Variants in SNX24 observed in about 807,000 individuals in gnomAD.
SNX24 encodes the protein sorting nexin-24.
In SNX24, 22 loss-of-function variants were observed where a neutral mutation model predicts 28.7. The observed-to-expected ratio is 0.77, with a 90% CI of 0.55 to 1.10. The LOEUF is 1.10. Among genes scored for constraint, SNX24 ranks in the 50% least tolerant of loss-of-function variants. The probability of loss-of-function intolerance (pLI) is 0.00; values close to 1 mark genes in which losing one functional copy is unlikely to be tolerated. For missense variants in SNX24, 221 were observed against 201.1 expected (o/e 1.10, Z -0.60); for synonymous variants, 69 against 71.5 (o/e 0.96, Z 0.18).
In SNX24 at chr5:122,999,921, T is replaced by G. The variant is rs1381521894; in HGVS notation, c.259T>G (p.Leu87Val). ...GLETYLQAVI[L>V]ENEELPKLFL... ...TTTTCTGCTTTCACAGGCTGTCATT[T>G]TAGAAAATGAAGAACTTCCCAAACT... Residue 87 changes from leucine (L) to valine (V), a missense_variant, in exon 4 of 7, where the codon TTA becomes GTA. Leu to Val is a conservative substitution (Grantham distance 32, BLOSUM62 1). Transcript: ENST00000261369. 2.5e-6 allele frequency: 4 copies of G among 1,608,566 alleles called. No homozygotes were observed. The highest frequency in any genetic ancestry group is 3.4e-6 in the Non-Finnish European group (4 of 1,175,018).
At chr5:122,891,269 A>T (rs1018346060) in intron 1 of SNX24, 1 of 911,574 alleles carries the variant, frequency 1.1e-6, no homozygotes, top group Non-Finnish European at 1.5e-6. Flanking sequence ...ATTCTATTTT[A>T]AAAATACCGA....
intron 3 of SNX24, among the ~76,000 whole-genome samples, chr5:122,976,089 C>T (rs1761150070): frequency 6.6e-6 from 1 of 152,036 alleles, no homozygotes; most frequent in Non-Finnish European, 1.5e-5. Context: ...CAAAATGCTC[C>T]ATGGAAATTC....
intron 5 of SNX24, among the ~76,000 whole-genome samples, chr5:123,014,645 G>A (rs1029513047): frequency 1.3e-5 from 2 of 152,080 alleles, no homozygotes; most frequent in African/African-American, 4.8e-5. Flanking sequence ...TTTTACTGCA[G>A]TCCATTCTCG....
chr5:122,851,884 A>G (rs1420541780), intron 1 of SNX24, among the ~76,000 whole-genome samples: 2 of 152,146 alleles, frequency 1.3e-5, no homozygotes, highest in Non-Finnish European at 2.9e-5. Context: ...TTTACAGTGT[A>G]TACCTGACAG....
chr5:122,926,983 A>G (rs1758728002), intron 1 of SNX24, among the ~76,000 whole-genome samples: 1 of 152,230 alleles, frequency 6.6e-6, no homozygotes, highest in Non-Finnish European at 1.5e-5. Flanking sequence ...CCTACCTATC[A>G]ACAGCTTCCC....
chr5:122,996,327 G>C (rs1336440314), intron 3 of SNX24, among the ~76,000 whole-genome samples: 4 of 152,216 alleles, frequency 2.6e-5, no homozygotes, highest in Non-Finnish European at 5.9e-5. Flanking sequence ...AGAAAAGTGA[G>C]CCCAGCAGTG....
intron 1 of SNX24, among the ~76,000 whole-genome samples, chr5:122,854,138 G>T (rs539737901): frequency 7.9e-5 from 12 of 151,914 alleles, no homozygotes; most frequent in Non-Finnish European, 1.2e-4. Flanking sequence ...ACAGATGAAA[G>T]GGAATTATTT....
At chr5:122,899,502 A>C (rs1757338778) in intron 1 of SNX24, among the ~76,000 whole-genome samples, 3 of 152,240 alleles carry the variant, frequency 2.0e-5, no homozygotes, top group Admixed American at 2.0e-4. Flanking sequence ...TCGAATTCGC[A>C]GGCTCCATCT....
At chr5:122,860,202 T>C (rs952655318) in intron 1 of SNX24, among the ~76,000 whole-genome samples, 7 of 152,352 alleles carry the variant, frequency 4.6e-5, no homozygotes, top group African/African-American at 1.7e-4. Flanking sequence ...TTGATGTTCT[T>C]CTTTCTCTCC....
chr5:122,863,537 T>C (rs1447107452), intron 1 of SNX24, among the ~76,000 whole-genome samples: 2 of 151,396 alleles, frequency 1.3e-5, no homozygotes, highest in Admixed American at 6.6e-5. Context: ...TCTTTTTTTT[T>C]TTTGAGGTGG....
chr5:122,999,649 T>C (rs1350434076), intron 3 of SNX24, among the ~76,000 whole-genome samples: 1 of 152,186 alleles, frequency 6.6e-6, no homozygotes, highest in Non-Finnish European at 1.5e-5. Flanking sequence ...TGTCCCCTAG[T>C]CAGCATCTAG....
intron 3 of SNX24, among the ~76,000 whole-genome samples, chr5:122,990,365 G>C (rs1278770457): frequency 3.3e-5 from 5 of 152,310 alleles, no homozygotes; most frequent in East Asian, 3.9e-4. Flanking sequence ...TTAAAAAAAT[G>C]ATGTTAGCCT....
intron 6 of SNX24, 30 bp from the exon 7 acceptor site, chr5:123,007,652 T>C: frequency 6.4e-7 from 1 of 1,552,802 alleles, no homozygotes; most frequent in Non-Finnish European, 8.7e-7. Flanking sequence ...GTTTTTCTTT[T>C]TTTTTTCTTT....
chr5:123,004,155 T>G (rs1216696820), intron 6 of SNX24, among the ~76,000 whole-genome samples: 1 of 152,206 alleles, frequency 6.6e-6, no homozygotes, highest in African/African-American at 2.4e-5. Context: ...GTGTCTGTCT[T>G]CAAAGATCTG....
chr5:122,932,235 A>G (rs1366201587), intron 1 of SNX24, among the ~76,000 whole-genome samples: 2 of 152,234 alleles, frequency 1.3e-5, no homozygotes, highest in Non-Finnish European at 2.9e-5. Flanking sequence ...GCAAACCTGA[A>G]TGGAATCCTT....
At chr5:122,948,977 A>T (rs961246835) in intron 3 of SNX24, among the ~76,000 whole-genome samples, 1 of 152,222 alleles carries the variant, frequency 6.6e-6, no homozygotes, top group African/African-American at 2.4e-5. Context: ...AAGTAGATAG[A>T]TGATTTTTTA....
At chr5:122,940,879 T>G (rs932419425) in intron 2 of SNX24, among the ~76,000 whole-genome samples, 4 of 152,212 alleles carry the variant, frequency 2.6e-5, no homozygotes, top group Admixed American at 2.6e-4. Context: ...AGCCTTAAAA[T>G]TTATTACCTG....
At chr5:122,965,974 A>C (rs1290810380) in intron 3 of SNX24, among the ~76,000 whole-genome samples, 1 of 152,218 alleles carries the variant, frequency 6.6e-6, no homozygotes, top group South Asian at 2.1e-4. Flanking sequence ...TTGTTAATGA[A>C]TCTTGCGGTT....
chr5:122,891,109 G>A (rs1205192893), intron 1 of SNX24: 9 of 1,530,544 alleles, frequency 5.9e-6, no homozygotes, highest in Non-Finnish European at 7.0e-6. Context: ...TTTTCAAATG[G>A]AAGACTTACA....
Sources: gnomAD v4.1 joint callset for allele counts (sites outside exome capture counted in the v4.1 genomes callset) on GRCh38, gnomAD v4.1.1 for gene constraint, MANE v1.5 for transcripts, NCBI Gene and HGNC (gene_info 2026-07-23, HGNC 2026-07-21) for gene names.